TSPAN13: variants seen among roughly 807,000 people sequenced by gnomAD.
The protein encoded by TSPAN13 is tetraspanin-13.
In TSPAN13, 18 loss-of-function variants were observed where a neutral mutation model predicts 26.9. The observed-to-expected ratio is 0.67, with a 90% CI of 0.46 to 0.99. TSPAN13 has a LOEUF of 0.99. Among genes scored for constraint, TSPAN13 ranks in the 50% least tolerant of loss-of-function variants. The pLI, the probability that TSPAN13 is intolerant of heterozygous loss-of-function variation, is 0.00. For synonymous variants in TSPAN13, 116 were observed against 98.4 expected (o/e 1.18, Z -1.06); for missense variants, 201 against 249.6 (o/e 0.81, Z 1.31).
rs1389504762 is a variant in TSPAN13 at position 16,754,012 on chromosome 7, C to T, written c.45C>T (p.Ala15=). Residue 15 remains alanine, a synonymous_variant, in exon 1 of 6, where the codon GCC becomes GCT. Transcript: ENST00000262067. ...GFACSKNCLC[A]LNLLYTLVSL... Reference sequence around the variant, plus strand: ...CGTGTTCCAAGAACTGCCTGTGCGCCCTCAACCTGCTTTACACCGTGAGTA... The same window carrying T: ...CGTGTTCCAAGAACTGCCTGTGCGCTCTCAACCTGCTTTACACCGTGAGTA... 6 of 1,613,672 alleles carry T rather than the reference C, an allele frequency of 3.7e-6. No individual in the cohort carries two copies. The highest frequency in any genetic ancestry group is 5.1e-6 in the Non-Finnish European group (6 of 1,179,824).
rs11491 is a variant in TSPAN13 at position 16,783,470 on chromosome 7, G to A, written c.594G>A (p.Ala198=). ...ACAGGAACCAGAAAGACCCCCGCGC[G>A]AATCCTAGTGCATTCCTTTGATGAG... ...YRYRNQKDPR[A]NPSAFL The change falls in exon 6 of 6, where the codon GCG becomes GCA. Residue 198 remains alanine (A), a synonymous_variant. Transcript: ENST00000262067. The A allele has an allele frequency of 0.53, 852,923 of 1,612,234 alleles. 230,229 individuals carry two copies. Among genetic ancestry groups the A allele is most frequent in the Middle Eastern group, 0.6 (3,653 of 6,060 alleles).
intron 5 of TSPAN13, among the ~76,000 whole-genome samples, chr7:16,779,478 A>T (rs1474689228): frequency 6.6e-6 from 1 of 152,096 alleles, no homozygotes; most frequent in Non-Finnish European, 1.5e-5. Context: ...AATGTCTATA[A>T]TACACAGACA....
At chr7:16,781,497 C>T (rs1784813236) in intron 5 of TSPAN13, among the ~76,000 whole-genome samples, 1 of 152,148 alleles carries the variant, frequency 6.6e-6, no homozygotes, top group African/African-American at 2.4e-5. Flanking sequence ...AATAATTATC[C>T]AGTTTTGATC....
chr7:16,770,544 G>A (rs1226239014), intron 1 of TSPAN13, among the ~76,000 whole-genome samples: 1 of 152,122 alleles, frequency 6.6e-6, no homozygotes, highest in African/African-American at 2.4e-5. Context: ...AAAATATTTT[G>A]TTTTAGTCTC....
intron 1 of TSPAN13, among the ~76,000 whole-genome samples, chr7:16,774,549 GGAC>G: frequency 6.6e-6 from 1 of 152,330 alleles, no homozygotes; most frequent in South Asian, 2.1e-4. Flanking sequence ...AAGGGGCAGA[GGAC>G]TTTTTCTCAG....
At position 16,775,426 on chromosome 7, in the gene TSPAN13, C is replaced by G. The variant is rs559620764; in HGVS notation, c.64-785C>G. On this transcript the variant is annotated intron_variant, in intron 1 of 5. Coordinates refer to ENST00000262067, the MANE Select transcript of TSPAN13 (RefSeq NM_014399.4). ...TCTTTTTGCTCAGAATACTAGTTCA[C>G]TTTAAATAGCTAAAGTCTCTTACAT... is the stretch of plus-strand genomic sequence containing the variant. 1.2e-4 allele frequency among the ~76,000 whole-genome samples: 19 copies of G among 152,334 alleles called. No homozygotes were observed. In the South Asian group the frequency reaches 3.3e-3, roughly 27 times the overall value.
intron 1 of TSPAN13, among the ~76,000 whole-genome samples, chr7:16,772,442 T>C (rs186883825): frequency 1.3e-5 from 2 of 152,176 alleles, no homozygotes; most frequent in African/African-American, 2.4e-5. Context: ...GTCCACAGAG[T>C]CAGGCTCTCT....
At position 16,777,791 on chromosome 7, in the gene TSPAN13, T is replaced by A. The variant is rs1452905337; in HGVS notation, c.313-7T>A. ...GACACATTTTATATATTAAACACAT[T>A]TACTAGGGTCAGCTTCTGGAGGTTG... On this transcript the variant is annotated splice_polypyrimidine_tract_variant and splice_region_variant and intron_variant, in intron 3 of 5. Coordinates refer to ENST00000262067, the MANE Select transcript of TSPAN13 (RefSeq NM_014399.4). 1.2e-6 allele frequency: 2 copies of A among 1,611,810 alleles called. No homozygotes were observed. Among genetic ancestry groups the A allele is most frequent in the Non-Finnish European group, 1.7e-6 (2 of 1,178,422 alleles).
At chr7:16,765,036 G>C (rs1459766396) in intron 1 of TSPAN13, among the ~76,000 whole-genome samples, 2 of 151,830 alleles carry the variant, frequency 1.3e-5, no homozygotes, top group Admixed American at 6.6e-5. Flanking sequence ...TAGGATTATA[G>C]ATGTGAACCA....
intron 1 of TSPAN13, among the ~76,000 whole-genome samples, chr7:16,759,043 A>G (rs1242379918): frequency 6.6e-6 from 1 of 152,162 alleles, no homozygotes; most frequent in Non-Finnish European, 1.5e-5. Context: ...TAAATTATAT[A>G]TCGTATTAGA....
chr7:16,781,187 A>T (rs867386646), intron 5 of TSPAN13, among the ~76,000 whole-genome samples: 1 of 152,236 alleles, frequency 6.6e-6, no homozygotes, highest in Non-Finnish European at 1.5e-5. Flanking sequence ...AACTACAAAA[A>T]ATTATGAAGA....
At chr7:16,771,654 A>C (rs1316571456) in intron 1 of TSPAN13, among the ~76,000 whole-genome samples, 2 of 152,238 alleles carry the variant, frequency 1.3e-5, no homozygotes, top group Admixed American at 1.3e-4. Flanking sequence ...CGAAGCAAGG[A>C]AACAGATTCT....
intron 1 of TSPAN13, among the ~76,000 whole-genome samples, chr7:16,762,175 G>C (rs1410873718): frequency 6.6e-6 from 1 of 152,308 alleles, no homozygotes; most frequent in African/African-American, 2.4e-5. Flanking sequence ...TGTAGACAGA[G>C]AATAATATGG....
rs145606380 is a variant in TSPAN13 at position 16,759,510 on chromosome 7, G to T, written c.63+5480G>T. Among the ~76,000 whole-genome samples, 71 of 152,166 alleles carry T rather than the reference G, an allele frequency of 4.7e-4. 1 individual carries two copies. In the East Asian group the frequency reaches 0.012, roughly 26 times the overall value. ...CACCCCTACGAATCACCTCCCTCCA[G>T]GCCCCACCTCCAACATTGGGGATTA... On this transcript the variant is annotated intron_variant, in intron 1 of 5. Coordinates refer to ENST00000262067, the MANE Select transcript of TSPAN13 (RefSeq NM_014399.4).
intron 3 of TSPAN13, 99 bp downstream of exon 3, chr7:16,777,221 A>G: frequency 1.2e-6 from 1 of 821,370 alleles, no homozygotes; most frequent in Non-Finnish European, 2.0e-6. Context: ...TTCGTCTTGC[A>G]CAGAATGCCA....
At chr7:16,780,683 G>A (rs1156529390) in intron 5 of TSPAN13, among the ~76,000 whole-genome samples, 2 of 152,104 alleles carry the variant, frequency 1.3e-5, no homozygotes, top group Admixed American at 1.3e-4. Flanking sequence ...ATTTTGCCAC[G>A]TGGCTTCTTT....
At chr7:16,777,750 C>A in intron 3 of TSPAN13, 48 bp from the exon 4 acceptor site, 1 of 1,428,824 alleles carries the variant, frequency 7.0e-7, no homozygotes. Flanking sequence ...CAGCTTTATA[C>A]ATTTTCTGCA....
At chr7:16,780,880 C>A (rs1225505286) in intron 5 of TSPAN13, among the ~76,000 whole-genome samples, 2 of 152,122 alleles carry the variant, frequency 1.3e-5, no homozygotes, top group African/African-American at 4.8e-5. Flanking sequence ...ATACTGTCTC[C>A]TTTGGAAATC....
intron 1 of TSPAN13, 60 bp from the exon 2 acceptor site, chr7:16,776,151 T>C: frequency 2.6e-6 from 4 of 1,546,774 alleles, no homozygotes; most frequent in Non-Finnish European, 3.5e-6. Flanking sequence ...TAACTGGCAT[T>C]TTCCCCATTC....
Sources: allele counts gnomAD v4.1 joint callset (sites outside exome capture counted in the v4.1 genomes callset), GRCh38; gene constraint gnomAD v4.1.1; transcripts MANE v1.5; gene names NCBI Gene and HGNC (gene_info 2026-07-23, HGNC 2026-07-21).